The following ADAMTSL1 variants were observed in gnomAD, a reference collection of about 807,000 sequenced individuals.
ADAMTSL1 encodes ADAMTS-like protein 1.
A neutral mutation model predicts 201.8 loss-of-function variants in ADAMTSL1; 126 were observed. The observed-to-expected ratio is 0.62, with a 90% confidence interval of 0.54 to 0.72. The LOEUF (loss-of-function observed/expected upper bound fraction) is 0.72. Ranked by LOEUF, ADAMTSL1 falls within the 30% of genes least tolerant of loss-of-function variation. The pLI, the probability that ADAMTSL1 is intolerant of heterozygous loss-of-function variation, is 0.00. For synonymous variants in ADAMTSL1, 1,121 were observed against 903.4 expected, an observed-to-expected ratio of 1.24 and a Z score of -4.32; for missense variants, 2,679 against 2,277.8, an observed-to-expected ratio of 1.18 and a Z score of -3.59.
intron 4 of ADAMTSL1, among the ~76,000 whole-genome samples, chr9:18,583,859 G>A (rs918518408): frequency 6.6e-6 from 1 of 152,020 alleles, no homozygotes; most frequent in African/African-American, 2.4e-5. Context: ...CCTTTGTTTT[G>A]GCCAATTTCT....
intron 2 of ADAMTSL1, among the ~76,000 whole-genome samples, chr9:18,308,458 A>T (rs539218448): frequency 2.2e-4 from 33 of 152,158 alleles, no homozygotes; most frequent in Non-Finnish European, 3.5e-4. Context: ...CTACTAAAGG[A>T]GAAAAGAGAA....
chr9:18,517,736 A>AT (rs1298758126), intron 2 of ADAMTSL1, among the ~76,000 whole-genome samples: 1 of 152,174 alleles, frequency 6.6e-6, no homozygotes, highest in Admixed American at 6.5e-5. Flanking sequence ...TGTCCCTATC[A>AT]TTTTTTATGG....
chr9:17,995,934 C>T (rs571476807), intron 1 of ADAMTSL1, among the ~76,000 whole-genome samples: 8 of 151,942 alleles, frequency 5.3e-5, no homozygotes, highest in Admixed American at 1.3e-4. Flanking sequence ...TGACACAGTC[C>T]GTATAGCTAG....
At chr9:17,941,793 C>T (rs1827249974) in intron 1 of ADAMTSL1, among the ~76,000 whole-genome samples, 1 of 152,112 alleles carries the variant, frequency 6.6e-6, no homozygotes, top group Non-Finnish European at 1.5e-5. Flanking sequence ...ATTTATTTCT[C>T]ACAGTTCTAG....
chr9:18,597,664 A>G (rs1385044116), intron 4 of ADAMTSL1, among the ~76,000 whole-genome samples: 2 of 152,162 alleles, frequency 1.3e-5, no homozygotes, highest in Admixed American at 1.3e-4. Flanking sequence ...AAAGACAATT[A>G]GTAATTATAC....
intron 2 of ADAMTSL1, among the ~76,000 whole-genome samples, chr9:18,517,695 T>G (rs575375026): frequency 6.6e-6 from 1 of 152,294 alleles, no homozygotes; most frequent in African/African-American, 2.4e-5. Flanking sequence ...TGCGATAGTT[T>G]ACTGAGAATG....
At chr9:18,446,774 G>C (rs953183480) in intron 2 of ADAMTSL1, among the ~76,000 whole-genome samples, 1 of 152,156 alleles carries the variant, frequency 6.6e-6, no homozygotes, top group African/African-American at 2.4e-5. Context: ...TAGTATTCTT[G>C]AACTTTCGGG....
At chr9:18,869,571 G>A (rs1827759593) in intron 23 of ADAMTSL1, among the ~76,000 whole-genome samples, 1 of 152,188 alleles carries the variant, frequency 6.6e-6, no homozygotes, top group South Asian at 2.1e-4. Context: ...ATTTTTAAAG[G>A]AGGGTTTATC....
intron 2 of ADAMTSL1, among the ~76,000 whole-genome samples, chr9:18,527,120 C>T (rs1370602103): frequency 6.6e-6 from 1 of 152,056 alleles, no homozygotes; most frequent in Non-Finnish European, 1.5e-5. Flanking sequence ...AGATGAGATG[C>T]TGTCTCAAAA....
intron 4 of ADAMTSL1, among the ~76,000 whole-genome samples, chr9:18,579,832 T>C (rs1822983733): frequency 6.6e-6 from 1 of 152,240 alleles, no homozygotes; most frequent in Non-Finnish European, 1.5e-5. Flanking sequence ...GTTATTCATT[T>C]ATTTTCATTA....
At chr9:18,707,475 A>G (rs532180412) in intron 14 of ADAMTSL1, among the ~76,000 whole-genome samples, 1 of 152,220 alleles carries the variant, frequency 6.6e-6, no homozygotes, top group African/African-American at 2.4e-5. Flanking sequence ...TCCCAAAGTA[A>G]TATCTGTTTA....
intron 1 of ADAMTSL1, among the ~76,000 whole-genome samples, chr9:18,085,796 T>C (rs1005900350): frequency 6.6e-6 from 1 of 151,132 alleles, no homozygotes; most frequent in Admixed American, 6.6e-5. Context: ...CACACACACA[T>C]GCACACACAG....
At chr9:18,359,075 A>G (rs1836384665) in intron 2 of ADAMTSL1, among the ~76,000 whole-genome samples, 1 of 152,220 alleles carries the variant, frequency 6.6e-6, no homozygotes, top group Non-Finnish European at 1.5e-5. Context: ...GCTCTTATCC[A>G]GTAATTTAGG....
chr9:18,756,076 AAT>A lies in ADAMTSL1; in HGVS notation c.2217+2614_2217+2615del, dbSNP rs55717414. Among the ~76,000 whole-genome samples the A allele has an allele frequency of 6.2e-3, 502 of 80,508 alleles. 4 individuals are homozygous for A. The highest frequency in any genetic ancestry group is 0.014 in the Middle Eastern group (2 of 146). 52.8% of individuals were successfully genotyped at this position (80,508 alleles called of 152,430 possible). A position where few individuals can be genotyped will look rare whatever the true frequency, so the allele number is the denominator to read the frequency against. ...ATGGTGAAACCCTGTCTCTACTGAA[AAT>A]ATATATATATATATATATATATATA... On this transcript the variant is annotated intron_variant, in intron 16 of 28. Coordinates refer to ENST00000380548, the MANE Select transcript of ADAMTSL1 (RefSeq NM_001040272.6).
intron 2 of ADAMTSL1, among the ~76,000 whole-genome samples, chr9:18,206,272 G>A (rs977459114): frequency 1.3e-5 from 2 of 151,944 alleles, no homozygotes; most frequent in African/African-American, 4.8e-5. Flanking sequence ...TCTTTGATTT[G>A]AGGAATTTGC....
chr9:18,593,391 C>A (rs1824049995), intron 4 of ADAMTSL1, among the ~76,000 whole-genome samples: 1 of 151,978 alleles, frequency 6.6e-6, no homozygotes, highest in Non-Finnish European at 1.5e-5. Flanking sequence ...TTGTTTTCCT[C>A]ATTTCAATTT....
intron 2 of ADAMTSL1, among the ~76,000 whole-genome samples, chr9:18,305,496 T>C (rs1833874167): frequency 6.6e-6 from 1 of 152,126 alleles, no homozygotes; most frequent in Non-Finnish European, 1.5e-5. Flanking sequence ...CTGAAGTCTA[T>C]CTGGGATGCT....
At chr9:18,286,588 A>T (rs1373852968) in intron 2 of ADAMTSL1, among the ~76,000 whole-genome samples, 12 of 120,474 alleles carry the variant, frequency 1.0e-4, no homozygotes, top group African/African-American at 1.3e-4. Flanking sequence ...AGATATAATC[A>T]TTTTAATGCA....
chr9:18,661,080 C>T, intron 8 of ADAMTSL1, among the ~76,000 whole-genome samples: 1 of 152,096 alleles, frequency 6.6e-6, no homozygotes, highest in African/African-American at 2.4e-5. Context: ...ATTTATTTTT[C>T]ACCCCGAGAA....
Sources: gnomAD v4.1 joint callset for allele counts (sites outside exome capture counted in the v4.1 genomes callset) on GRCh38, gnomAD v4.1.1 for gene constraint, MANE v1.5 for transcripts, NCBI Gene and HGNC (gene_info 2026-07-23, HGNC 2026-07-21) for gene names.